The following MAN1A2 variants were observed in gnomAD, a reference collection of about 807,000 sequenced individuals.
The protein encoded by MAN1A2 is mannosidase alpha class 1A member 2, also known as mannosyl-oligosaccharide 1,2-alpha-mannosidase IB.
In MAN1A2, 26 loss-of-function variants were observed where a neutral mutation model predicts 75.7. That is an observed-to-expected ratio of 0.34 (90% CI 0.25 to 0.48). MAN1A2 has a LOEUF of 0.48. Ranked by LOEUF, MAN1A2 falls within the 20% of genes least tolerant of loss-of-function variation. The probability of loss-of-function intolerance (pLI) is 0.99; values close to 1 mark genes in which losing one functional copy is unlikely to be tolerated. For synonymous variants in MAN1A2, 247 were observed against 264.6 expected (o/e 0.93, Z 0.65); for missense variants, 562 against 775.5 (o/e 0.72, Z 3.27).
intron 8 of MAN1A2, among the ~76,000 whole-genome samples, chr1:117,468,985 C>T (rs1327922884): frequency 1.3e-5 from 2 of 152,008 alleles, no homozygotes; most frequent in Non-Finnish European, 2.9e-5. Flanking sequence ...TCCCATTTTC[C>T]ATGCCAGTAT....
chr1:117,406,547 T>C (rs1647622685), intron 3 of MAN1A2, among the ~76,000 whole-genome samples: 1 of 152,128 alleles, frequency 6.6e-6, no homozygotes, highest in Admixed American at 6.5e-5. Flanking sequence ...TGCTTGCTTT[T>C]GATCAAAAAA....
rs1160236526 is a variant in MAN1A2, at chr1:117,402,445, A to G, written c.558+4A>G. 1 of 1,588,892 alleles carries G rather than the reference A, an allele frequency of 6.3e-7. No individual in the cohort carries two copies. The highest frequency in any genetic ancestry group is 1.2e-5 in the South Asian group (1 of 85,306). On this transcript the variant is annotated splice_donor_region_variant and intron_variant, in intron 2 of 12. Coordinates refer to ENST00000356554, the MANE Select transcript of MAN1A2 (RefSeq NM_006699.5). ...GAAAAGGGAAAAAATTAAAGAGGTA[A>G]TAAGCTGAGTTTTGTGATATGGAGT...
chr1:117,371,685 C>G (rs115208294), intron 1 of MAN1A2, among the ~76,000 whole-genome samples: 13 of 152,056 alleles, frequency 8.5e-5, no homozygotes, highest in African/African-American at 2.9e-4. Context: ...GGGTGTGGGT[C>G]TGGGTGATGA....
chr1:117,506,966 G>A lies in MAN1A2; in HGVS notation c.1793+3996G>A, dbSNP rs540188684. ...TACAGTTTCTAATCAGCATGTTAGTGCCTTACTTTTAAATATTAATAAACA... is the reference window on the plus strand; with the variant it reads ...TACAGTTTCTAATCAGCATGTTAGTACCTTACTTTTAAATATTAATAAACA... On this transcript the variant is annotated intron_variant, in intron 12 of 12. Transcript: ENST00000356554. 4.0e-5 allele frequency among the ~76,000 whole-genome samples: 6 copies of A among 151,702 alleles called. No homozygotes were observed. In the East Asian group the frequency reaches 1.2e-3, roughly 29 times the overall value.
chr1:117,439,646 A>G (rs1035676086), intron 5 of MAN1A2, among the ~76,000 whole-genome samples: 2 of 151,804 alleles, frequency 1.3e-5, no homozygotes, highest in African/African-American at 4.8e-5. Flanking sequence ...GGCGCGCACC[A>G]CCACACCTGG....
intron 12 of MAN1A2, among the ~76,000 whole-genome samples, chr1:117,505,054 CTG>C (rs1651307626): frequency 6.6e-6 from 1 of 151,410 alleles, no homozygotes. Flanking sequence ...AATTTTGAGA[CTG>C]TGAATATTCT....
intron 11 of MAN1A2, 109 bp from the exon 12 acceptor site, chr1:117,502,746 T>G: frequency 1.5e-6 from 1 of 655,814 alleles, no homozygotes; most frequent in South Asian, 1.7e-5. Context: ...AGCCATCAAA[T>G]TTTCATACAA....
chr1:117,420,890 A>C (rs1648164212), intron 5 of MAN1A2, among the ~76,000 whole-genome samples: 1 of 152,050 alleles, frequency 6.6e-6, no homozygotes, highest in Admixed American at 6.6e-5. Context: ...CCTTTGCAAG[A>C]GTGATCCTTC....
rs752119078 is a variant in MAN1A2, at chr1:117,499,564, C to G, written c.1677+10C>G. The G allele has an allele frequency of 3.2e-6, 5 of 1,584,380 alleles. No homozygotes were observed. The Admixed American group carries it at 8.9e-5, about 28-fold the overall frequency. Reference sequence around the variant, plus strand: ...CTGGGAAGCAGCACTGGTAAATAAGCCAATATTCCATTTTATCTGCAAGAG... The same window carrying G: ...CTGGGAAGCAGCACTGGTAAATAAGGCAATATTCCATTTTATCTGCAAGAG... On this transcript the variant is annotated intron_variant, in intron 11 of 12. Transcript: ENST00000356554.
intron 7 of MAN1A2, among the ~76,000 whole-genome samples, chr1:117,465,432 G>A (rs186873496): frequency 2.6e-4 from 39 of 152,150 alleles, no homozygotes; most frequent in Non-Finnish European, 4.9e-4. Context: ...AATATAGACA[G>A]CATCCCTGAG....
chr1:117,372,141 A>G (rs540113089), intron 1 of MAN1A2, among the ~76,000 whole-genome samples: 27 of 152,308 alleles, frequency 1.8e-4, no homozygotes, highest in African/African-American at 6.5e-4. Flanking sequence ...AAAATTAAAT[A>G]ATCACTTTGG....
chr1:117,425,322 AAAG>A (rs902774028), intron 5 of MAN1A2, among the ~76,000 whole-genome samples: 5 of 152,222 alleles, frequency 3.3e-5, no homozygotes, highest in East Asian at 1.9e-4. Context: ...TCCAGAAAAA[AAAG>A]AAGAGTAATT....
At chr1:117,512,114 C>A (rs985329416) in intron 12 of MAN1A2, among the ~76,000 whole-genome samples, 4 of 151,984 alleles carry the variant, frequency 2.6e-5, no homozygotes, top group African/African-American at 9.7e-5. Context: ...AGAGCTTGAT[C>A]TCAGAATTCA....
At position 117,455,087 on chromosome 1, in the gene MAN1A2, G is replaced by A. The variant is rs1182184227; in HGVS notation, c.951-5402G>A. Among the ~76,000 whole-genome samples, 5 of 152,260 alleles carry A rather than the reference G, an allele frequency of 3.3e-5. No individual in the cohort carries two copies. The East Asian group carries it at 9.6e-4, about 29-fold the overall frequency. On this transcript the variant is annotated intron_variant, in intron 6 of 12. Coordinates refer to ENST00000356554, the MANE Select transcript of MAN1A2 (RefSeq NM_006699.5). ...AATGGTAGAGACACTTTGGAAAACA[G>A]TTTGACTGTTTTTCAAATGTTTATC...
chr1:117,460,918 C>G (rs914638952), intron 7 of MAN1A2, among the ~76,000 whole-genome samples: 3 of 151,978 alleles, frequency 2.0e-5, no homozygotes, highest in Admixed American at 2.0e-4. Context: ...ACAAAATAAC[C>G]AGATGTTTAG....
intron 5 of MAN1A2, among the ~76,000 whole-genome samples, chr1:117,432,050 A>G (rs1264827026): frequency 2.0e-5 from 3 of 152,244 alleles, no homozygotes; most frequent in East Asian, 3.8e-4. Context: ...AAATTAAGCA[A>G]TATGTTTCTA....
chr1:117,467,595 A>C (rs1265362758), intron 8 of MAN1A2, among the ~76,000 whole-genome samples: 2 of 152,222 alleles, frequency 1.3e-5, no homozygotes, highest in South Asian at 2.1e-4. Flanking sequence ...ATTTTGAAGA[A>C]GATAAAAGCT....
intron 6 of MAN1A2, among the ~76,000 whole-genome samples, chr1:117,445,870 G>C (rs372384490): frequency 8.7e-6 from 1 of 114,704 alleles, no homozygotes; most frequent in African/African-American, 3.5e-5. Flanking sequence ...ATGTGTGTGT[G>C]TGTCTGTGTG....
chr1:117,382,917 T>A (rs979781130), intron 1 of MAN1A2, among the ~76,000 whole-genome samples: 2 of 152,244 alleles, frequency 1.3e-5, no homozygotes, highest in African/African-American at 4.8e-5. Context: ...TTATTAGCTC[T>A]ATTAATCATT....
Sources: gnomAD v4.1 joint callset for allele counts (sites outside exome capture counted in the v4.1 genomes callset) on GRCh38, gnomAD v4.1.1 for gene constraint, MANE v1.5 for transcripts, NCBI Gene and HGNC (gene_info 2026-07-23, HGNC 2026-07-21) for gene names.